Variants in ADGRE3 observed in about 807,000 individuals in gnomAD.
ADGRE3 encodes the protein adhesion G protein-coupled receptor E3, also known as EGF-like module receptor 3.
ADGRE3 carries 88 observed loss-of-function variants against 80.1 expected under a neutral mutation model. That is an observed-to-expected ratio of 1.10 (90% confidence interval 0.93 to 1.31). The LOEUF (loss-of-function observed/expected upper bound fraction) is 1.31. Among genes scored for constraint, ADGRE3 ranks in the 40% most tolerant of loss-of-function variants. The pLI, the probability that ADGRE3 is intolerant of heterozygous loss-of-function variation, is 0.00. For synonymous variants in ADGRE3, 281 were observed against 294.8 expected (o/e 0.95, Z 0.48); for missense variants, 715 against 776.5 (o/e 0.92, Z 0.94).
chr19:14,605,395 C>T, the ADGRE3 span, among the ~76,000 whole-genome samples: 2 of 151,516 alleles, frequency 1.3e-5, no homozygotes, highest in Non-Finnish European at 2.9e-5. Flanking sequence ...CGCGCCCGGC[C>T]ACCTCCCCAC....
At position 14,651,126 on chromosome 19, in the gene ADGRE3, A is replaced by G. The variant is rs1280831507; in HGVS notation, c.656T>C (p.Met219Thr). 1.2e-6 allele frequency: 2 copies of G among 1,613,998 alleles called. No individual in the cohort carries two copies. Among genetic ancestry groups the G allele is most frequent in the Non-Finnish European group, 1.7e-6 (2 of 1,179,992 alleles). ...TFNLNVQMNSMDIRCSDIIQG... is the reference protein window; with the variant it reads ...TFNLNVQMNSTDIRCSDIIQG... Reference sequence around the variant, plus strand: ...GATGATGTCACTGCAACGGATGTCCATTGAGTTCATTTGGACGTTCAAGTT... The same window carrying G: ...GATGATGTCACTGCAACGGATGTCCGTTGAGTTCATTTGGACGTTCAAGTT... The change falls in exon 7 of 16, where the codon ATG becomes ACG. Residue 219 changes from methionine to threonine, a missense_variant. Met to Thr is a moderately conservative substitution (Grantham distance 81). Transcript: ENST00000253673.
chr19:14,635,210 C>T (rs1173685213), intron 11 of ADGRE3, among the ~76,000 whole-genome samples: 1 of 152,094 alleles, frequency 6.6e-6, no homozygotes, highest in Non-Finnish European at 1.5e-5. Flanking sequence ...GATCCTCCCG[C>T]CCCAGCCTCC....
In ADGRE3 at chr19:14,651,106, T is replaced by C. The variant is rs778640071; in HGVS notation, c.676A>G (p.Ile226Val). 1.2e-6 allele frequency: 2 copies of C among 1,614,110 alleles called. No homozygotes were observed. Among genetic ancestry groups the C allele is most frequent in the Admixed American group, 3.3e-5 (2 of 60,012 alleles). ...ATACCTTGTGTGTCTCCCTGGATGA[T>C]GTCACTGCAACGGATGTCCATTGAG... ...MNSMDIRCSD[I>V]IQGDTQGPSA... Residue 226 changes from isoleucine (I) to valine (V), a missense_variant, in exon 7 of 16, where the codon ATC (isoleucine) becomes GTC (valine). Coordinates refer to ENST00000253673, the MANE Select transcript of ADGRE3 (RefSeq NM_032571.5).
chr19:14,672,589 T>C (rs1400502294), intron 1 of ADGRE3, among the ~76,000 whole-genome samples: 1 of 152,182 alleles, frequency 6.6e-6, no homozygotes, highest in Non-Finnish European at 1.5e-5. Context: ...ATGCTTTTTC[T>C]TTCTCTCTTT....
At chr19:14,618,547 C>A (rs900001237), downstream of ADGRE3, among the ~76,000 whole-genome samples, 1 of 150,168 alleles carries the variant, frequency 6.7e-6, no homozygotes, top group Non-Finnish European at 1.5e-5. Context: ...GAGTGAGACT[C>A]AGTCTCAGAA....
intron 2 of ADGRE3, among the ~76,000 whole-genome samples, chr19:14,664,144 A>T (rs1396374256): frequency 6.6e-6 from 1 of 152,114 alleles, no homozygotes; most frequent in African/African-American, 2.4e-5. Flanking sequence ...TCTACTAAAA[A>T]ATACAAAAAT....
the ADGRE3 span, chr19:14,607,078 TG>T: frequency 7.5e-7 from 1 of 1,329,274 alleles, no homozygotes; most frequent in Admixed American, 3.1e-5. Flanking sequence ...TGGAGGTGGC[TG>T]GATGGGTCTC....
the ADGRE3 span, among the ~76,000 whole-genome samples, chr19:14,600,472 TTA>T: frequency 6.6e-6 from 1 of 152,226 alleles, no homozygotes; most frequent in Non-Finnish European, 1.5e-5. Flanking sequence ...GTAGCACTTT[TTA>T]TGTTTCAGGT....
chr19:14,669,593 A>T lies in ADGRE3; in HGVS notation c.26-741T>A, dbSNP rs190114793. On this transcript the variant is annotated intron_variant, in intron 1 of 15. Coordinates refer to ENST00000253673, the MANE Select transcript of ADGRE3 (RefSeq NM_032571.5). ...AACCTCCACCTCCCAGGTTCAATCG[A>T]TTCTCCTGCCTTAGCCTCCCGAGTA... Among the ~76,000 whole-genome samples, 105 of 151,970 alleles carry T rather than the reference A, an allele frequency of 6.9e-4. 2 individuals are homozygous for T. The highest frequency in any genetic ancestry group is 5.8e-3 in the Admixed American group (89 of 15,250).
intron 8 of ADGRE3, among the ~76,000 whole-genome samples, chr19:14,644,522 G>A (rs1971347550): frequency 6.6e-6 from 1 of 151,996 alleles, no homozygotes; most frequent in Non-Finnish European, 1.5e-5. Flanking sequence ...GGTCAACCGT[G>A]CTGCCCAGGC....
intron 4 of ADGRE3, among the ~76,000 whole-genome samples, chr19:14,658,976 G>T (rs1008359414): frequency 1.3e-5 from 2 of 149,556 alleles, no homozygotes; most frequent in South Asian, 4.2e-4. Context: ...CTCATGATCC[G>T]CCTGCCTCGG....
chr19:14,662,142 G>T (rs1444884825), intron 3 of ADGRE3, 24 bp from the exon 4 acceptor site: 2 of 1,612,240 alleles, frequency 1.2e-6, no homozygotes, highest in East Asian at 4.5e-5. Flanking sequence ...AAGCAATTGG[G>T]TCATTCATTC....
At chr19:14,658,020 C>T (rs954195709) in intron 5 of ADGRE3, among the ~76,000 whole-genome samples, 5 of 152,118 alleles carry the variant, frequency 3.3e-5, no homozygotes, top group Admixed American at 3.3e-4. Flanking sequence ...CTACCTCGGC[C>T]TCCCAAAGTG....
downstream of ADGRE3, among the ~76,000 whole-genome samples, chr19:14,615,869 C>T (rs116267025): frequency 6.6e-6 from 1 of 152,072 alleles, no homozygotes; most frequent in Admixed American, 6.6e-5. Context: ...AAGCAATCCT[C>T]CCGCCTTCGC....
intron 10 of ADGRE3, among the ~76,000 whole-genome samples, chr19:14,639,127 A>G (rs2146835763): frequency 6.6e-6 from 1 of 152,216 alleles, no homozygotes; most frequent in South Asian, 2.1e-4. Context: ...CCTGGGCTGA[A>G]GTGATCCTCC....
At chr19:14,668,986 A>G (rs1055160170) in intron 1 of ADGRE3, 134 bp from the exon 2 acceptor site, 23 of 809,598 alleles carry the variant, frequency 2.8e-5, no homozygotes, top group South Asian at 1.5e-4. Context: ...TTAAAGCTAC[A>G]TTTTTGTTGA....
chr19:14,662,011 G>T lies in ADGRE3; in HGVS notation c.307C>A (p.His103Asn), dbSNP rs1490807815. The change falls in exon 4 of 16, where the codon CAT (histidine) becomes AAT (asparagine). Residue 103 changes from histidine (H) to asparagine (N), a missense_variant. By Grantham distance (68) the His-to-Asn change is moderately conservative. Coordinates refer to ENST00000253673, the MANE Select transcript of ADGRE3 (RefSeq NM_032571.5). ...YCQCVPGYRL[H>N]SGNEQFSNSN... ...TTACTGAATTGTTCATTCCCAGAAT[G>T]CAGTCTATATCCTGGGACACATTGA... is the stretch of plus-strand genomic sequence containing the variant. The T allele has an allele frequency of 6.2e-7, 1 of 1,614,000 alleles. No homozygotes were observed. The highest frequency in any genetic ancestry group is 8.5e-7 in the Non-Finnish European group (1 of 1,179,816).
chr19:14,644,353 CT>C, intron 8 of ADGRE3, 78 bp from the exon 9 acceptor site: 1 of 1,149,958 alleles, frequency 8.7e-7, no homozygotes, highest in South Asian at 1.8e-5. Flanking sequence ...CAAAATCTTG[CT>C]TTGTTACTCA....
the ADGRE3 span, among the ~76,000 whole-genome samples, chr19:14,612,387 GT>G: frequency 1.3e-5 from 2 of 152,112 alleles, no homozygotes; most frequent in Non-Finnish European, 2.9e-5. Context: ...TCAGGCTGGA[GT>G]GCAGTGGTGT....
Sources: gnomAD v4.1 joint callset for allele counts (sites outside exome capture counted in the v4.1 genomes callset) on GRCh38, gnomAD v4.1.1 for gene constraint, MANE v1.5 for transcripts, NCBI Gene and HGNC (gene_info 2026-07-23, HGNC 2026-07-21) for gene names.